Variants in RGS5 observed in about 807,000 individuals in gnomAD.
RGS5 encodes the protein regulator of G-protein signalling 5.
In RGS5, 20 loss-of-function variants were observed where a neutral mutation model predicts 18.9. That is an observed-to-expected ratio of 1.06 (90% CI 0.74 to 1.54). RGS5 has a LOEUF of 1.54. Ranked by LOEUF, RGS5 falls within the 40% of genes most tolerant of loss-of-function variation. The pLI is 0.00. For missense variants in RGS5, 201 were observed against 211.8 expected, an observed-to-expected ratio of 0.95 and a Z score of 0.32; for synonymous variants, 57 against 76.2, an observed-to-expected ratio of 0.75 and a Z score of 1.31.
In RGS5 at chr1:163,143,018, A is replaced by G. The variant is rs759110587; in HGVS notation, c.*4324T>C. 7.2e-5 allele frequency: 11 copies of G among 152,208 alleles called. No homozygotes were observed. The highest frequency in any genetic ancestry group is 1.5e-4 in the Non-Finnish European group (10 of 68,030). 9.4% of individuals were successfully genotyped at this position (152,208 alleles called of 1,614,324 possible). A position where few individuals can be genotyped will look rare whatever the true frequency, so the allele number is the denominator to read the frequency against. ...GCCGTGGCCTGTGACTCTCTGCTGT[A>G]AGTTTCCATTCAAAGCCAGGAGTCT... On this transcript the variant is annotated 3_prime_UTR_variant, in exon 5 of 5. Transcript: ENST00000313961.
At chr1:163,234,336 T>A (rs1367476718) in intron 2 of RGS5, among the ~76,000 whole-genome samples, 2 of 152,210 alleles carry the variant, frequency 1.3e-5, no homozygotes, top group African/African-American at 4.8e-5. Flanking sequence ...AGAACAACTG[T>A]GCATTCTTAT....
chr1:163,223,737 G>A (rs185576888), intron 2 of RGS5, among the ~76,000 whole-genome samples: 12 of 152,192 alleles, frequency 7.9e-5, no homozygotes, highest in African/African-American at 2.6e-4. Context: ...ACTCCTTGAT[G>A]TACACATTCC....
intron 2 of RGS5, among the ~76,000 whole-genome samples, chr1:163,273,865 A>G (rs992538758): frequency 2.6e-5 from 4 of 152,180 alleles, no homozygotes; most frequent in Non-Finnish European, 4.4e-5. Context: ...TGCCTGGACT[A>G]AATTTGGGAA....
upstream of RGS5, among the ~76,000 whole-genome samples, chr1:163,219,320 G>T (rs1337846368): frequency 6.6e-6 from 1 of 152,046 alleles, no homozygotes; most frequent in African/African-American, 2.4e-5. Context: ...GCTGGTCCTG[G>T]TTATTTTCAT....
chr1:163,298,991 T>C (rs1367124682), intron 2 of RGS5, among the ~76,000 whole-genome samples: 3 of 150,662 alleles, frequency 2.0e-5, no homozygotes, highest in Non-Finnish European at 3.0e-5. Flanking sequence ...AGCACATACA[T>C]GAGAGGATGG....
intron 1 of RGS5, among the ~76,000 whole-genome samples, chr1:163,168,711 C>A (rs9628673): frequency 0.57 from 86,396 of 151,774 alleles, 26,347 homozygotes; most frequent in South Asian, 0.72. Context: ...CTTAAGATAA[C>A]CCAGCCAGTA....
intron 1 of RGS5, among the ~76,000 whole-genome samples, chr1:163,194,864 C>T (rs1257761812): frequency 6.6e-6 from 1 of 151,980 alleles, no homozygotes; most frequent in Non-Finnish European, 1.5e-5. Context: ...TTTTAATGAG[C>T]TTTATCATTT....
intron 2 of RGS5, chr1:163,237,189 G>A (rs1409834250): frequency 6.6e-6 from 1 of 152,322 alleles, no homozygotes; most frequent in Non-Finnish European, 1.5e-5. Context: ...CGGGGTCCCT[G>A]TGAGGCTGCT....
At chr1:163,250,266 A>G (rs939805780) in intron 2 of RGS5, among the ~76,000 whole-genome samples, 1 of 152,204 alleles carries the variant, frequency 6.6e-6, no homozygotes, top group African/African-American at 2.4e-5. Context: ...TTTGGAAGCA[A>G]TCACTGCAAT....
In RGS5 at chr1:163,147,519, C is replaced by A; in HGVS notation, c.385-16G>T. The A allele has an allele frequency of 6.4e-7, 1 of 1,562,774 alleles. No individual in the cohort carries two copies. The highest frequency in any genetic ancestry group is 8.6e-7 in the Non-Finnish European group (1 of 1,158,430). On this transcript the variant is annotated splice_polypyrimidine_tract_variant and intron_variant, in intron 4 of 4. Transcript: ENST00000313961. ...CAATATTCACCTGTGGGCCAGGAAA[C>A]AGGGTCACTACATAAGCCTAAGTTA...
chr1:163,240,915 C>A (rs1331288597), intron 2 of RGS5, among the ~76,000 whole-genome samples: 5 of 152,162 alleles, frequency 3.3e-5, no homozygotes, highest in Non-Finnish European at 5.9e-5. Flanking sequence ...ACGCCTATAG[C>A]CCCAGGCACC....
chr1:163,297,013 T>C (rs760480661), intron 2 of RGS5, among the ~76,000 whole-genome samples: 8 of 152,150 alleles, frequency 5.3e-5, no homozygotes, highest in Non-Finnish European at 1.2e-4. Flanking sequence ...TTAAACAAAA[T>C]GGAAAAGGTA....
chr1:163,259,996 G>A (rs1328381129), intron 2 of RGS5: 4 of 152,108 alleles, frequency 2.6e-5, no homozygotes, highest in African/African-American at 9.7e-5. Context: ...GAACCCTGAG[G>A]GCACCCTCTA....
rs377076702 is a variant in RGS5 at position 163,281,089 on chromosome 1, A to T, written c.-281+25144T>A. ...GGGTCTCATGAGACCTGATGGTTTTAAAAATGGGAGTTTCTCTGCACAAGT... is the reference window on the plus strand; with the variant it reads ...GGGTCTCATGAGACCTGATGGTTTTTAAAATGGGAGTTTCTCTGCACAAGT... On this transcript the variant is annotated intron_variant, in intron 2 of 5. Transcript: ENST00000618415. 1.2e-4 allele frequency among the ~76,000 whole-genome samples: 19 copies of T among 152,140 alleles called. No homozygotes were observed. In the East Asian group the frequency reaches 2.7e-3, roughly 22 times the overall value.
At chr1:163,266,644 T>A (rs1222396417) in intron 2 of RGS5, 1 of 152,180 alleles carries the variant, frequency 6.6e-6, no homozygotes, top group Non-Finnish European at 1.5e-5. Flanking sequence ...TGTCACTCCA[T>A]CTACCACACA....
chr1:163,217,308 C>T (rs1040038186), intron 1 of RGS5, among the ~76,000 whole-genome samples: 13 of 152,154 alleles, frequency 8.5e-5, no homozygotes, highest in Non-Finnish European at 2.9e-5. Flanking sequence ...AACAATCTGG[C>T]CTTTACTCTG....
upstream of RGS5, among the ~76,000 whole-genome samples, chr1:163,218,797 A>G (rs944655934): frequency 1.3e-5 from 2 of 152,108 alleles, no homozygotes; most frequent in Admixed American, 1.3e-4. Context: ...AGACAAAGAG[A>G]TTGCCTCAGG....
At chr1:163,298,538 G>C (rs1571348526) in intron 2 of RGS5, among the ~76,000 whole-genome samples, 2 of 152,112 alleles carry the variant, frequency 1.3e-5, no homozygotes, top group African/African-American at 2.4e-5. Context: ...GGAGTAAGAG[G>C]AGGGAATGCA....
intron 2 of RGS5, chr1:163,266,444 T>C (rs534194600): frequency 5.3e-5 from 8 of 152,262 alleles, no homozygotes; most frequent in African/African-American, 1.7e-4. Context: ...TAAAACACCA[T>C]GTTTTTCTTC....
Sources: gnomAD v4.1 joint callset for allele counts (sites outside exome capture counted in the v4.1 genomes callset) on GRCh38, gnomAD v4.1.1 for gene constraint, MANE v1.5 for transcripts, NCBI Gene and HGNC (gene_info 2026-07-23, HGNC 2026-07-21) for gene names.